The following DNAH5 variants were observed in gnomAD, a reference collection of about 807,000 sequenced individuals.
The protein encoded by DNAH5 is dynein axonemal heavy chain 5.
Under a neutral mutation model 518.2 loss-of-function variants are expected in DNAH5, and 372 were observed. The ratio of observed to expected loss-of-function variants is 0.72; its 90% CI spans 0.66 to 0.78. The LOEUF is 0.78. DNAH5 is among the 30% of genes least tolerant of loss of function. DNAH5 has a pLI of 0.00. For missense variants in DNAH5, 5,523 were observed against 5,687.0 expected, an observed-to-expected ratio of 0.97 and a Z score of 0.93; for synonymous variants, 2,039 against 2,025.9, an observed-to-expected ratio of 1.01 and a Z score of -0.17.
intron 43 of DNAH5, among the ~76,000 whole-genome samples, chr5:13,814,135 G>A (rs78718057): frequency 0.022 from 3,279 of 152,026 alleles, 101 homozygotes; most frequent in African/African-American, 0.072. Flanking sequence ...AAATATTATT[G>A]CCAAGTTCAA....
chr5:13,693,156 G>A (rs1246234701), intron 78 of DNAH5, among the ~76,000 whole-genome samples: 5 of 152,028 alleles, frequency 3.3e-5, no homozygotes, highest in African/African-American at 1.2e-4. Flanking sequence ...ACCCATCCCT[G>A]TACTCTTCCG....
At chr5:13,804,111 TC>T (rs533304411) in intron 47 of DNAH5, among the ~76,000 whole-genome samples, 71 of 152,308 alleles carry the variant, frequency 4.7e-4, no homozygotes, top group Admixed American at 3.7e-3. Context: ...TAATATTAGT[TC>T]GGGGGGAAAA....
At chr5:13,890,537 C>G (rs1241285665) in intron 17 of DNAH5, among the ~76,000 whole-genome samples, 2 of 152,148 alleles carry the variant, frequency 1.3e-5, no homozygotes, top group East Asian at 1.9e-4. Context: ...TCTCAGGATT[C>G]CCAGCAATGG....
intron 64 of DNAH5, 28 bp downstream of exon 64, chr5:13,752,106 C>A: frequency 6.2e-7 from 1 of 1,612,578 alleles, no homozygotes; most frequent in Non-Finnish European, 8.5e-7. Flanking sequence ...AATTGTTCTG[C>A]ACATTGTCAT....
chr5:13,755,661 A>T (rs1750896017), intron 61 of DNAH5, among the ~76,000 whole-genome samples: 1 of 152,192 alleles, frequency 6.6e-6, no homozygotes, highest in Admixed American at 6.5e-5. Context: ...AAAAAAACTA[A>T]CAGTCCATCG....
At chr5:14,001,413 G>T (rs1784343038) in intron 1 of DNAH5, among the ~76,000 whole-genome samples, 2 of 152,178 alleles carry the variant, frequency 1.3e-5, no homozygotes, top group Non-Finnish European at 2.9e-5. Flanking sequence ...GTCCAGACTG[G>T]AGTGCAGTGG....
chr5:13,961,067 G>A (rs1303623936), intron 1 of DNAH5, among the ~76,000 whole-genome samples: 1 of 152,224 alleles, frequency 6.6e-6, no homozygotes, highest in African/African-American at 2.4e-5. Context: ...CAGTTCTGCT[G>A]TGGGCAGATT....
At chr5:13,811,971 C>G (rs1201621023) in intron 43 of DNAH5, 148 bp from the exon 44 acceptor site, 15 of 700,800 alleles carry the variant, frequency 2.1e-5, no homozygotes, top group Non-Finnish European at 3.1e-5. Flanking sequence ...TTGTTACAAA[C>G]TCTTCCACGT....
chr5:13,858,403 C>T (rs1421877967), intron 30 of DNAH5, among the ~76,000 whole-genome samples: 2 of 152,074 alleles, frequency 1.3e-5, no homozygotes, highest in African/African-American at 4.8e-5. Flanking sequence ...GAACATCACA[C>T]ACTGGGGCCT....
chr5:13,898,549 G>A (rs1774191667), intron 15 of DNAH5: 1 of 398,484 alleles, frequency 2.5e-6, no homozygotes, highest in East Asian at 3.6e-5. Context: ...CTACAAGTCT[G>A]GGTTCTGGTC....
Position 13,823,274 on chromosome 5 carries a change from T to G in DNAH5, c.6676A>C (p.Ile2226Leu), listed in dbSNP as rs750936569. ...GTGAAGCATATTACCTGTCTACTAATTGCTGCTTCCAGTTCAGGGTAACCT... is the reference window on the plus strand; with the variant it reads ...GTGAAGCATATTACCTGTCTACTAAGTGCTGCTTCCAGTTCAGGGTAACCT... ...KAGYPELEAA[I>L]SRQVEEAGLI... The change falls in exon 40 of 79, where the codon ATT (isoleucine) becomes CTT (leucine). Residue 2226 changes from isoleucine to leucine, a missense_variant. Physicochemically the swap from Ile to Leu is conservative, Grantham distance 5. Coordinates refer to ENST00000265104, the MANE Select transcript of DNAH5 (RefSeq NM_001369.3). 6.8e-6 allele frequency: 11 copies of G among 1,606,856 alleles called. No homozygotes were observed. Among genetic ancestry groups the G allele is most frequent in the Non-Finnish European group, 8.5e-6 (10 of 1,173,498 alleles).
chr5:13,798,498 AT>A (rs1206226106), intron 47 of DNAH5, among the ~76,000 whole-genome samples: 1 of 152,154 alleles, frequency 6.6e-6, no homozygotes, highest in African/African-American at 2.4e-5. Flanking sequence ...CATGTTAAAG[AT>A]GTTGTATAAA....
chr5:13,742,626 T>C (rs927449480), intron 65 of DNAH5, among the ~76,000 whole-genome samples: 5 of 152,026 alleles, frequency 3.3e-5, no homozygotes, highest in African/African-American at 1.2e-4. Flanking sequence ...CAATTCTTGA[T>C]AAAGCAAAAA....
At chr5:13,764,015 A>G (rs1752146473) in intron 59 of DNAH5, among the ~76,000 whole-genome samples, 1 of 152,204 alleles carries the variant, frequency 6.6e-6, no homozygotes, top group Non-Finnish European at 1.5e-5. Context: ...GCACCTCACC[A>G]CAGGCCCCAG....
At chr5:13,848,959 T>G (rs1457243540) in intron 31 of DNAH5, among the ~76,000 whole-genome samples, 1 of 152,198 alleles carries the variant, frequency 6.6e-6, no homozygotes, top group Non-Finnish European at 1.5e-5. Context: ...TCACCTAAAT[T>G]AGAGTAAACT....
chr5:14,000,607 C>T (rs1784284480), intron 1 of DNAH5, among the ~76,000 whole-genome samples: 1 of 149,190 alleles, frequency 6.7e-6, no homozygotes, highest in Admixed American at 6.7e-5. Context: ...CCATCTCATA[C>T]CCATCAGAAT....
chr5:13,841,751 C>A lies in DNAH5; in HGVS notation c.5425G>T (p.Ala1809Ser), dbSNP rs758513686. The A allele has an allele frequency of 6.2e-7, 1 of 1,613,854 alleles. No individual in the cohort carries two copies. The highest frequency in any genetic ancestry group is 8.5e-7 in the Non-Finnish European group (1 of 1,179,878). ...SLHLVIRQAA[A>S]NIQETGFQLT... The stretch of plus-strand genomic sequence containing the variant: ...TGGAAACCTGTTTCTTGAATATTTG[C>A]GGCTGCCTGGCGAATCACAAGATGC... The change falls in exon 33 of 79, where the codon GCA becomes TCA. Residue 1809 changes from alanine to serine, a missense_variant. Transcript: ENST00000265104.
intron 74 of DNAH5, 112 bp downstream of exon 74, chr5:13,716,375 T>C: frequency 1.3e-6 from 1 of 765,000 alleles, no homozygotes; most frequent in South Asian, 1.5e-5. Flanking sequence ...AGCATTAGTA[T>C]ATATCACCAT....
In DNAH5 at chr5:13,831,999, G is replaced by A. The variant is rs145320340; in HGVS notation, c.5883-1224C>T. Among the ~76,000 whole-genome samples, 38 of 152,174 alleles carry A rather than the reference G, an allele frequency of 2.5e-4. 1 individual carries two copies. In the East Asian group the frequency reaches 6.6e-3, roughly 26 times the overall value. Reference sequence around the variant, plus strand: ...AAGTCTTCTCACTTTCCAGCTCTGGGACAAGCCCACTCTATCCGGGAAAGA... The same window carrying A: ...AAGTCTTCTCACTTTCCAGCTCTGGAACAAGCCCACTCTATCCGGGAAAGA... On this transcript the variant is annotated intron_variant, in intron 35 of 78. Coordinates refer to ENST00000265104, the MANE Select transcript of DNAH5 (RefSeq NM_001369.3).
Sources: allele counts gnomAD v4.1 joint callset (sites outside exome capture counted in the v4.1 genomes callset), GRCh38; gene constraint gnomAD v4.1.1; transcripts MANE v1.5; gene names NCBI Gene and HGNC (gene_info 2026-07-23, HGNC 2026-07-21).